SULT1C4: variants seen among roughly 807,000 people sequenced by gnomAD.
SULT1C4 encodes the protein sulfotransferase 1C4.
SULT1C4 carries 32 observed loss-of-function variants against 34.8 expected under a neutral mutation model. That is an observed-to-expected ratio of 0.92 (90% CI 0.69 to 1.23). The LOEUF is 1.23. SULT1C4 is among the 50% of genes most tolerant of loss of function. SULT1C4 has a pLI of 0.00. For synonymous variants in SULT1C4, 111 were observed against 120.5 expected (o/e 0.92, Z 0.51); for missense variants, 375 against 365.9 (o/e 1.02, Z -0.20).
rs1678598439 is a variant in SULT1C4 at position 108,387,465 on chromosome 2, T to C, written c.*33T>C. The C allele has an allele frequency of 1.4e-6, 2 of 1,403,780 alleles. No individual in the cohort carries two copies. Among genetic ancestry groups the C allele is most frequent in the Non-Finnish European group, 2.0e-6 (2 of 998,358 alleles). The allele number at this position is 1,403,780 out of a possible 1,614,324, so 87.0% of individuals were successfully genotyped here. On this transcript the variant is annotated 3_prime_UTR_variant, in exon 7 of 7. Transcript: ENST00000272452. ...GAAAAACTGAAAATGTTTTAGTTTA[T>C]TACCCAGTATATTTGGGTAATAATG...
Position 108,381,823 on chromosome 2 carries a change from T to A in SULT1C4, c.231T>A (p.Ser77Arg), listed in dbSNP as rs1479227868. The A allele has an allele frequency of 1.3e-6, 2 of 1,502,028 alleles. No homozygotes were observed. Among genetic ancestry groups the A allele is most frequent in the Admixed American group, 2.5e-5 (1 of 40,742 alleles). The allele number at this position is 1,502,028 out of a possible 1,614,324, so 93.0% of individuals were successfully genotyped here. A position where few individuals can be genotyped will look rare whatever the true frequency, so the allele number is the denominator to read the frequency against. Reference protein sequence around the residue: ...LIQNEGDVEKSKRAPTHQRFP... With the variant: ...LIQNEGDVEKRKRAPTHQRFP... ...AAAATGAAGGTGATGTGGAGAAAAG[T>A]AAACGGGCACCGACTCATCAACGAT... Residue 77 changes from serine (S) to arginine (R), a missense_variant, in exon 2 of 7, where the codon AGT becomes AGA. Transcript: ENST00000272452.
Position 108,381,873 on chromosome 2 carries a change from C to T in SULT1C4, c.281C>T (p.Pro94Leu). Reference protein sequence around the residue: ...QRFPFLEMKIPSLGSGLEQAH... With the variant: ...QRFPFLEMKILSLGSGLEQAH... ...TTTCCTTTCCTCGAAATGAAAATCC[C>T]ATCCTTAGGATCTGGTGAGTATAAA... The change falls in exon 2 of 7, where the codon CCA becomes CTA. Residue 94 changes from proline (P) to leucine (L), a missense_variant. Coordinates refer to ENST00000272452, the MANE Select transcript of SULT1C4 (RefSeq NM_006588.4). 6.7e-7 allele frequency: 1 copy of T among 1,484,978 alleles called. No individual in the cohort carries two copies. Among genetic ancestry groups the T allele is most frequent in the Non-Finnish European group, 8.9e-7 (1 of 1,122,266 alleles). 92.0% of individuals were successfully genotyped at this position (1,484,978 alleles called of 1,614,324 possible).
In SULT1C4 at chr2:108,386,372, G is replaced by A. The variant is rs1573299476; in HGVS notation, c.796G>A (p.Gly266Arg). 2 of 1,442,112 alleles carry A rather than the reference G, an allele frequency of 1.4e-6. No individual in the cohort carries two copies. The highest frequency in any genetic ancestry group is 1.8e-6 in the Non-Finnish European group (2 of 1,090,236). The allele number at this position is 1,442,112 out of a possible 1,614,324, so 89.3% of individuals were successfully genotyped here. The change falls in exon 6 of 7, where the codon GGG (glycine) becomes AGG (arginine). Residue 266 changes from glycine (G) to arginine (R), a missense_variant and splice_region_variant. Transcript: ENST00000272452. The stretch of plus-strand genomic sequence containing the variant: ...CTCCATTTCTCCATTCATGAGAAAA[G>A]GTTTTTATAGTTTATTTTCATTATA... ...DHSISPFMRK[G>R]AVGDWKKHFT...
chr2:108,386,131 A>G (rs1359275747), intron 5 of SULT1C4, 61 bp from the exon 6 acceptor site: 6 of 1,265,864 alleles, frequency 4.7e-6, no homozygotes, highest in East Asian at 5.7e-5. Context: ...TTAATCCATC[A>G]TAATATTCTT....
At position 108,388,343 on chromosome 2, in the gene SULT1C4, T is replaced by G. The variant is rs1678624529; in HGVS notation, c.*911T>G. On this transcript the variant is annotated 3_prime_UTR_variant, in exon 7 of 7. Coordinates refer to ENST00000272452, the MANE Select transcript of SULT1C4 (RefSeq NM_006588.4). ...CCTGGAGTCACCTCTTGACTCATCT[T>G]TCCCATTGCCACCACAATCCATTCT... Among the ~76,000 whole-genome samples the G allele has an allele frequency of 6.6e-6, 1 of 151,332 alleles. No individual in the cohort carries two copies. Among genetic ancestry groups the G allele is most frequent in the African/African-American group, 2.5e-5 (1 of 40,776 alleles).
intron 6 of SULT1C4, among the ~76,000 whole-genome samples, 177 bp downstream of exon 6, chr2:108,386,549 TATTAAG>T (rs1182761818): frequency 6.6e-6 from 1 of 152,220 alleles, no homozygotes; most frequent in Non-Finnish European, 1.5e-5. Flanking sequence ...AGCCAATTAT[TATTAAG>T]ATTAAGAGAG....
Position 108,378,427 on chromosome 2 carries a change from C to T in SULT1C4, c.90C>T (p.Asp30=), listed in dbSNP as rs747058632. 19 of 1,614,054 alleles carry T rather than the reference C, an allele frequency of 1.2e-5. No individual in the cohort carries two copies. In the South Asian group the frequency reaches 1.9e-4, roughly 16 times the overall value. The stretch of plus-strand genomic sequence containing the variant: ...TGAAGGGAATTCTTCAACCGACAGA[C>T]ACCTGTGACATCTGGGATAAGATCT... ...NYVKGILQPT[D]TCDIWDKIWN... Residue 30 remains aspartate (D), a synonymous_variant, in exon 1 of 7, where the codon GAC becomes GAT. Coordinates refer to ENST00000272452, the MANE Select transcript of SULT1C4 (RefSeq NM_006588.4).
rs1165802678 is a variant in SULT1C4 at position 108,388,912 on chromosome 2, CT to C, written c.*1481del. ...TACAAACACTACAACCTGGAAAGCA[CT>C]CTTGCTTTTCTGAAGTCCTCTATAC... On this transcript the variant is annotated 3_prime_UTR_variant, in exon 7 of 7. Transcript: ENST00000272452. Among the ~76,000 whole-genome samples the C allele has an allele frequency of 1.3e-5, 2 of 152,184 alleles. No individual in the cohort carries two copies. The highest frequency in any genetic ancestry group is 3.8e-4 in the East Asian group (2 of 5,202).
chr2:108,382,674 T>A, intron 3 of SULT1C4, 192 bp downstream of exon 3: 1 of 552,752 alleles, frequency 1.8e-6, no homozygotes, highest in Non-Finnish European at 3.2e-6. Context: ...GAGACTGAGA[T>A]GGGTGGATCA....
At chr2:108,380,874 G>A (rs1180217578) in intron 1 of SULT1C4, among the ~76,000 whole-genome samples, 1 of 152,202 alleles carries the variant, frequency 6.6e-6, no homozygotes, top group Non-Finnish European at 1.5e-5. Flanking sequence ...TCTCACTGGA[G>A]GGATCTAAAT....
intron 6 of SULT1C4, 65 bp from the exon 7 acceptor site, chr2:108,387,255 G>A (rs1678591785): frequency 2.5e-6 from 3 of 1,222,598 alleles, no homozygotes; most frequent in Non-Finnish European, 3.5e-6. Flanking sequence ...TACAGAAACA[G>A]GAGAATAGGG....
rs181003211 is a variant in SULT1C4 at position 108,387,992 on chromosome 2, G to A, written c.*560G>A. ...TTTTTTTTGTATTCTTAGTAGAGAC[G>A]AGGTTTCACCGTGTTAGCCAGGATG... On this transcript the variant is annotated 3_prime_UTR_variant, in exon 7 of 7. Coordinates refer to ENST00000272452, the MANE Select transcript of SULT1C4 (RefSeq NM_006588.4). 4.5e-3 allele frequency: 683 copies of A among 151,934 alleles called. 5 individuals are homozygous for A. The highest frequency in any genetic ancestry group is 0.014 in the South Asian group (66 of 4,786). 9.4% of individuals were successfully genotyped at this position (151,934 alleles called of 1,614,324 possible).
In SULT1C4 at chr2:108,388,131, A is replaced by G. The variant is rs940417070; in HGVS notation, c.*699A>G. Reference sequence around the variant, plus strand: ...AAGTTAATTTTTAAATGCATCACTAACGTGTAAATAGTGACTGTTTGTTCC... The same window carrying G: ...AAGTTAATTTTTAAATGCATCACTAGCGTGTAAATAGTGACTGTTTGTTCC... On this transcript the variant is annotated 3_prime_UTR_variant, in exon 7 of 7. Transcript: ENST00000272452. 4 of 152,100 alleles carry G rather than the reference A, an allele frequency of 2.6e-5. No homozygotes were observed. Among genetic ancestry groups the G allele is most frequent in the Non-Finnish European group, 4.4e-5 (3 of 68,014 alleles). The allele number at this position is 152,100 out of a possible 1,614,324, so 9.4% of individuals were successfully genotyped here. A position where few individuals can be genotyped will look rare whatever the true frequency, so the allele number is the denominator to read the frequency against.
chr2:108,386,148 C>T (rs568509393), intron 5 of SULT1C4, 44 bp from the exon 6 acceptor site: 4 of 1,338,320 alleles, frequency 3.0e-6, no homozygotes, highest in Non-Finnish European at 3.9e-6. Flanking sequence ...TCTTTTTAAA[C>T]TAATTCTATT....
At chr2:108,380,872 G>C (rs1340912053) in intron 1 of SULT1C4, among the ~76,000 whole-genome samples, 1 of 152,198 alleles carries the variant, frequency 6.6e-6, no homozygotes, top group East Asian at 1.9e-4. Flanking sequence ...CATCTCACTG[G>C]AGGGATCTAA....
Position 108,386,373 on chromosome 2 carries a change from G to T in SULT1C4, c.796+1G>T. 6.9e-7 allele frequency: 1 copy of T among 1,439,502 alleles called. No individual in the cohort carries two copies. The highest frequency in any genetic ancestry group is 1.7e-5 in the South Asian group (1 of 59,598). 89.2% of individuals were successfully genotyped at this position (1,439,502 alleles called of 1,614,324 possible). A position where few individuals can be genotyped will look rare whatever the true frequency, so the allele number is the denominator to read the frequency against. On this transcript the variant is annotated splice_donor_variant, in intron 6 of 6. Transcript: ENST00000272452. LOFTEE classifies it high-confidence loss of function. ...TCCATTTCTCCATTCATGAGAAAAG[G>T]TTTTTATAGTTTATTTTCATTATAA...
Position 108,384,233 on chromosome 2 carries a change from T to TTTTA in SULT1C4, c.615+731_615+734dup, listed in dbSNP as rs1245224708. On this transcript the variant is annotated intron_variant, in intron 5 of 6. Coordinates refer to ENST00000272452, the MANE Select transcript of SULT1C4 (RefSeq NM_006588.4). ...ATTTATTTATTTATTTATTTATTTA[T>TTTTA]TTTATTTATTTTTTGAGACGGAGTC... Among the ~76,000 whole-genome samples the TTTTA allele has an allele frequency of 6.3e-3, 875 of 139,490 alleles. 13 individuals carry two copies. The highest frequency in any genetic ancestry group is 0.022 in the African/African-American group (768 of 34,172). The allele number at this position is 139,490 out of a possible 152,430, so 91.5% of individuals were successfully genotyped here. A position where few individuals can be genotyped will look rare whatever the true frequency, so the allele number is the denominator to read the frequency against.
intron 2 of SULT1C4, 191 bp from the exon 3 acceptor site, chr2:108,382,194 C>T: frequency 1.7e-6 from 1 of 599,982 alleles, no homozygotes; most frequent in South Asian, 2.4e-5. Context: ...ATTTGGATGA[C>T]TGTTATGGTT....
chr2:108,386,438 GTTTTC>G, intron 6 of SULT1C4, 66 bp downstream of exon 6: 2 of 1,223,362 alleles, frequency 1.6e-6, no homozygotes, highest in African/African-American at 3.1e-5. Flanking sequence ...CATTTGAGGA[GTTTTC>G]TTTCCTGTGT....
Sources: allele counts gnomAD v4.1 joint callset (sites outside exome capture counted in the v4.1 genomes callset), GRCh38; gene constraint gnomAD v4.1.1; transcripts MANE v1.5; gene names NCBI Gene and HGNC (gene_info 2026-07-23, HGNC 2026-07-21).